The following KANK1 variants were observed in gnomAD, a reference collection of about 807,000 sequenced individuals.
The protein encoded by KANK1 is KN motif and ankyrin repeat domain-containing protein 1.
KANK1 carries 109 observed loss-of-function variants against 106.2 expected under a neutral mutation model. That is an observed-to-expected ratio of 1.03 (90% CI 0.88 to 1.20). The LOEUF is 1.20. Among genes scored for constraint, KANK1 ranks in the 50% most tolerant of loss-of-function variants. The probability of loss-of-function intolerance (pLI) is 0.00; values close to 1 mark genes in which losing one functional copy is unlikely to be tolerated. For synonymous variants in KANK1, 873 were observed against 652.2 expected (o/e 1.34, Z -5.16); for missense variants, 2,399 against 1,710.7 (o/e 1.40, Z -7.10).
At chr9:530,136 C>T (rs998876139) in intron 1 of KANK1, among the ~76,000 whole-genome samples, 3 of 152,106 alleles carry the variant, frequency 2.0e-5, no homozygotes, top group Admixed American at 6.6e-5. Flanking sequence ...GACATTATAC[C>T]TAAGGGAAAT....
In KANK1 at chr9:594,206, TC is replaced by T. The variant is rs1365492106; in HGVS notation, c.-83-82683del. Among the ~76,000 whole-genome samples the T allele has an allele frequency of 1.3e-5, 2 of 151,928 alleles. 1 individual carries two copies. The highest frequency in any genetic ancestry group is 4.9e-5 in the African/African-American group (2 of 41,162). ...GGGACAATTTATGGCAATAGGCTTATCTCCTTGTTTTAGCTCTTTATGTTTT... is the reference window on the plus strand; with the variant it reads ...GGGACAATTTATGGCAATAGGCTTATTCCTTGTTTTAGCTCTTTATGTTTT... On this transcript the variant is annotated intron_variant, in intron 1 of 11. Coordinates refer to ENST00000382297, the MANE Select transcript of KANK1 (RefSeq NM_015158.5).
intron 7 of KANK1, among the ~76,000 whole-genome samples, chr9:738,040 G>C (rs1834261332): frequency 6.6e-6 from 1 of 152,178 alleles, no homozygotes; most frequent in Non-Finnish European, 1.5e-5. Context: ...TGGCTCCAGA[G>C]CCTCTGCTTC....
chr9:545,028 C>G (rs193171201), intron 1 of KANK1, among the ~76,000 whole-genome samples: 297 of 151,874 alleles, frequency 2.0e-3, no homozygotes, highest in Admixed American at 3.4e-3. Flanking sequence ...CTGAGCTGAC[C>G]TTGGGGCTAG....
At chr9:700,185 C>A (rs1020214992) in intron 2 of KANK1, among the ~76,000 whole-genome samples, 2 of 152,186 alleles carry the variant, frequency 1.3e-5, no homozygotes, top group Admixed American at 1.3e-4. Flanking sequence ...GGCTTAAAAA[C>A]AACTCTTTGG....
At chr9:686,975 T>C (rs995765282) in intron 2 of KANK1, 1 of 975,772 alleles carries the variant, frequency 1.0e-6, no homozygotes, top group East Asian at 1.1e-4. Flanking sequence ...TCCTTTGGTA[T>C]GTTGTCCCTG....
intron 1 of KANK1, among the ~76,000 whole-genome samples, chr9:583,481 T>C (rs1409939055): frequency 6.6e-6 from 1 of 152,058 alleles, no homozygotes; most frequent in Admixed American, 6.5e-5. Context: ...ATTTTAGAAA[T>C]AAAATACGCT....
intron 1 of KANK1, among the ~76,000 whole-genome samples, chr9:650,172 A>G (rs534549210): frequency 2.0e-5 from 3 of 152,326 alleles, no homozygotes; most frequent in African/African-American, 7.2e-5. Context: ...TTGCAAATTC[A>G]TTGCAAATTA....
At chr9:722,680 G>A (rs1054766471) in intron 3 of KANK1, among the ~76,000 whole-genome samples, 5 of 152,174 alleles carry the variant, frequency 3.3e-5, no homozygotes, top group Admixed American at 2.6e-4. Flanking sequence ...GGCAATATAG[G>A]TGACCAATTC....
intron 3 of KANK1, among the ~76,000 whole-genome samples, chr9:486,992 T>G (rs1225834658): frequency 6.6e-6 from 1 of 152,218 alleles, no homozygotes; most frequent in African/African-American, 2.4e-5. Flanking sequence ...TTAATGTAAT[T>G]TAATATGAAA....
intron 3 of KANK1, among the ~76,000 whole-genome samples, chr9:484,063 A>G (rs528748598): frequency 5.3e-5 from 8 of 152,302 alleles, no homozygotes; most frequent in Admixed American, 2.6e-4. Flanking sequence ...CGAGTAGTTC[A>G]CACCTTCAGC....
At chr9:518,750 A>AC (rs2059412103) in intron 1 of KANK1, among the ~76,000 whole-genome samples, 1 of 151,502 alleles carries the variant, frequency 6.6e-6, no homozygotes, top group Non-Finnish European at 1.5e-5. Flanking sequence ...AAGGGCGGTG[A>AC]CCCTGTATGA....
chr9:628,407 AG>A (rs920406997), intron 1 of KANK1, among the ~76,000 whole-genome samples: 2 of 147,306 alleles, frequency 1.4e-5, no homozygotes, highest in South Asian at 4.2e-4. Flanking sequence ...GCCTCCCAGT[AG>A]GGGGGGTTCC....
intron 10 of KANK1, among the ~76,000 whole-genome samples, chr9:742,876 G>C (rs1455406229): frequency 6.6e-6 from 1 of 152,206 alleles, no homozygotes; most frequent in Non-Finnish European, 1.5e-5. Flanking sequence ...TGAGTAGCTT[G>C]TGACACAACA....
chr9:695,530 A>C (rs1821032815), intron 2 of KANK1, among the ~76,000 whole-genome samples: 1 of 152,020 alleles, frequency 6.6e-6, no homozygotes, highest in African/African-American at 2.4e-5. Flanking sequence ...AGAAGAAGAA[A>C]CCAATGTAGA....
chr9:732,373 C>T lies in KANK1; in HGVS notation c.3006-5C>T, dbSNP rs528709080. On this transcript the variant is annotated splice_polypyrimidine_tract_variant and splice_region_variant and intron_variant, in intron 5 of 11. Transcript: ENST00000382297. ...GCATCTCCTGAAATCCCAATTGCCA[C>T]CTAGGTATGAAACAACTTCAAGTGA... is the stretch of plus-strand genomic sequence containing the variant. 5.0e-6 allele frequency: 8 copies of T among 1,605,030 alleles called. No homozygotes were observed. The East Asian group carries it at 9.0e-5, about 18-fold the overall frequency.
At chr9:648,780 A>G (rs1050940797) in intron 1 of KANK1, among the ~76,000 whole-genome samples, 4 of 152,182 alleles carry the variant, frequency 2.6e-5, no homozygotes, top group African/African-American at 9.7e-5. Context: ...ATGTGAAAAC[A>G]CTGTAAAATT....
chr9:652,393 T>G lies in KANK1; in HGVS notation c.-83-24497T>G, dbSNP rs150625585. ...AAAAAATTAGCCAGACATAGTGGTC[T>G]GCACCTGTAATCCCAGCTACTCAGG... On this transcript the variant is annotated intron_variant, in intron 1 of 11. Coordinates refer to ENST00000382297, the MANE Select transcript of KANK1 (RefSeq NM_015158.5). Among the ~76,000 whole-genome samples, 1,014 of 152,286 alleles carry G rather than the reference T, an allele frequency of 6.7e-3. 19 individuals are homozygous for G. Among genetic ancestry groups the G allele is most frequent in the African/African-American group, 0.023 (959 of 41,544 alleles).
In KANK1 at chr9:712,729, G is replaced by A. The variant is rs558446238; in HGVS notation, c.1963G>A (p.Val655Ile). 1.2e-6 allele frequency: 2 copies of A among 1,613,938 alleles called. No homozygotes were observed. The highest frequency in any genetic ancestry group is 2.2e-5 in the South Asian group (2 of 91,024). The change falls in exon 3 of 12, where the codon GTT (valine) becomes ATT (isoleucine). Residue 655 changes from valine (V) to isoleucine (I), a missense_variant. Val to Ile is a conservative substitution (Grantham distance 29). Coordinates refer to ENST00000382297, the MANE Select transcript of KANK1 (RefSeq NM_015158.5). ...CTCCCGGGGCGTGAACACTGAGGCTGTTAGCCAGGTGGAAGCTGCCGTCAT... is the reference window on the plus strand; with the variant it reads ...CTCCCGGGGCGTGAACACTGAGGCTATTAGCCAGGTGGAAGCTGCCGTCAT... ...CASRGVNTEA[V>I]SQVEAAVMAV... is the part of the protein sequence containing the mutation.
chr9:560,540 T>C (rs183191207), intron 1 of KANK1, among the ~76,000 whole-genome samples: 1 of 152,352 alleles, frequency 6.6e-6, no homozygotes, highest in Non-Finnish European at 1.5e-5. Context: ...AGGAGCGAAA[T>C]GTCTTTGAAG....
Sources: gnomAD v4.1 joint callset for allele counts (sites outside exome capture counted in the v4.1 genomes callset) on GRCh38, gnomAD v4.1.1 for gene constraint, MANE v1.5 for transcripts, NCBI Gene and HGNC (gene_info 2026-07-23, HGNC 2026-07-21) for gene names.